PRUNE2: variants seen among roughly 807,000 people sequenced by gnomAD.
PRUNE2 encodes the protein protein prune homolog 2.
PRUNE2 carries 164 observed loss-of-function variants against 252.0 expected under a neutral mutation model. The ratio of observed to expected loss-of-function variants is 0.65; its 90% CI spans 0.57 to 0.74. The LOEUF is 0.74. Ranked by LOEUF, PRUNE2 falls within the 30% of genes least tolerant of loss-of-function variation. PRUNE2 has a pLI of 0.00. For missense variants in PRUNE2, 3,495 were observed against 3,711.0 expected (o/e 0.94, Z 1.51); for synonymous variants, 1,292 against 1,350.2 (o/e 0.96, Z 0.94).
chr9:76,847,467 T>A (rs765575264), intron 3 of PRUNE2, among the ~76,000 whole-genome samples: 3 of 149,488 alleles, frequency 2.0e-5, no homozygotes, highest in Admixed American at 6.7e-5. Flanking sequence ...AAAAAGTATT[T>A]AAAAAAAAAA....
chr9:76,706,449 A>C lies in PRUNE2; in HGVS notation c.5825T>G (p.Val1942Gly), dbSNP rs200567599. ...AGTCAGCTCATCACCAGCAGCAGAC[A>C]CAAAGGTTTGCTCTCTTGAGTCCTT... ...KEKDSREQTFVSAAGDELTPE... is the reference protein window; with the variant it reads ...KEKDSREQTFGSAAGDELTPE... Residue 1942 changes from valine (V) to glycine (G), a missense_variant, in exon 8 of 19, where the codon GTG (valine) becomes GGG (glycine). By Grantham distance (109) the Val-to-Gly change is moderately radical. Transcript: ENST00000376718. 2.4e-5 allele frequency: 38 copies of C among 1,613,844 alleles called. No homozygotes were observed. The highest frequency in any genetic ancestry group is 1.6e-4 in the Middle Eastern group (1 of 6,084).
chr9:76,692,024 T>G (rs944308281), intron 9 of PRUNE2: 10 of 716,386 alleles, frequency 1.4e-5, no homozygotes, highest in African/African-American at 1.7e-5. Context: ...TCCATCTCAT[T>G]CTGTCCTTCC....
intron 6 of PRUNE2, among the ~76,000 whole-genome samples, chr9:76,807,460 C>G (rs111265348): frequency 0.016 from 2,381 of 152,196 alleles, 53 homozygotes; most frequent in African/African-American, 0.052. Context: ...TGGTCAGCAG[C>G]TACTCAGTAT....
At chr9:76,806,754 G>A (rs539133785) in intron 6 of PRUNE2, among the ~76,000 whole-genome samples, 88 of 150,112 alleles carry the variant, frequency 5.9e-4, no homozygotes, top group Middle Eastern at 3.5e-3. Flanking sequence ...TCCTGACCTC[G>A]TGATCTGCCT....
chr9:76,815,899 G>T (rs533564073), intron 6 of PRUNE2, among the ~76,000 whole-genome samples: 1 of 152,076 alleles, frequency 6.6e-6, no homozygotes, highest in African/African-American at 2.4e-5. Flanking sequence ...GGTGGCTCAC[G>T]CCTGTAATCC....
At chr9:76,667,561 G>A (rs2040445900) in intron 9 of PRUNE2, among the ~76,000 whole-genome samples, 1 of 150,526 alleles carries the variant, frequency 6.6e-6, no homozygotes, top group African/African-American at 2.4e-5. Flanking sequence ...ATGCAAAGCT[G>A]CACTCTTGCA....
chr9:76,657,393 G>A (rs1380328431), intron 9 of PRUNE2, among the ~76,000 whole-genome samples: 1 of 152,242 alleles, frequency 6.6e-6, no homozygotes, highest in Non-Finnish European at 1.5e-5. Context: ...CACACAGGAT[G>A]TGGGCCTTGG....
intron 11 of PRUNE2, among the ~76,000 whole-genome samples, chr9:76,645,882 T>C (rs1588094050): frequency 6.6e-6 from 1 of 152,348 alleles, no homozygotes; most frequent in East Asian, 1.9e-4. Context: ...ACTTTGATGA[T>C]AATAACAGCA....
chr9:76,750,612 G>A (rs965942320), intron 6 of PRUNE2, among the ~76,000 whole-genome samples: 1 of 152,172 alleles, frequency 6.6e-6, no homozygotes, highest in African/African-American at 2.4e-5. Flanking sequence ...GTGGGGCACT[G>A]TGAACTGAAG....
chr9:76,698,495 AGGCAAG>A (rs1482440410), intron 9 of PRUNE2, among the ~76,000 whole-genome samples: 1 of 152,242 alleles, frequency 6.6e-6, no homozygotes, highest in Non-Finnish European at 1.5e-5. Context: ...AATGGTGAAT[AGGCAAG>A]GGCGCACTGG....
At chr9:76,702,886 G>C (rs2046004756) in intron 9 of PRUNE2, among the ~76,000 whole-genome samples, 1 of 152,102 alleles carries the variant, frequency 6.6e-6, no homozygotes, top group Admixed American at 6.6e-5. Flanking sequence ...CTTAATTCTA[G>C]GCAAATTATA....
At chr9:76,653,113 T>C (rs1848036705) in intron 10 of PRUNE2, among the ~76,000 whole-genome samples, 1 of 152,156 alleles carries the variant, frequency 6.6e-6, no homozygotes, top group African/African-American at 2.4e-5. Flanking sequence ...GCCTTGGCCA[T>C]GTAGAAACAG....
At chr9:76,691,711 C>T (rs1279612860) in intron 9 of PRUNE2, among the ~76,000 whole-genome samples, 1 of 152,118 alleles carries the variant, frequency 6.6e-6, no homozygotes, top group Non-Finnish European at 1.5e-5. Flanking sequence ...GGCAATAGTC[C>T]CAAACAGTTT....
In PRUNE2 at chr9:76,771,758, TTC is replaced by T. The variant is rs2053133848; in HGVS notation, c.756+51872_756+51873del. ...GCAGAGCCAAGAATCTGCTACTGCTTTCTGTTTTTATTTCCAATTATTTCCCA... is the reference window on the plus strand; with the variant it reads ...GCAGAGCCAAGAATCTGCTACTGCTTTGTTTTTATTTCCAATTATTTCCCA... On this transcript the variant is annotated intron_variant, in intron 6 of 18. Transcript: ENST00000376718. Among the ~76,000 whole-genome samples, 3 of 152,322 alleles carry T rather than the reference TTC, an allele frequency of 2.0e-5. No homozygotes were observed. In the South Asian group the frequency reaches 6.2e-4, roughly 32 times the overall value.
intron 9 of PRUNE2, among the ~76,000 whole-genome samples, chr9:76,683,198 T>C (rs368275700): frequency 1.3e-5 from 2 of 152,208 alleles, no homozygotes; most frequent in Admixed American, 6.5e-5. Context: ...GCCAGAGTGA[T>C]TGGTTCCACG....
At chr9:76,895,115 T>C (rs2062740966) in intron 1 of PRUNE2, among the ~76,000 whole-genome samples, 1 of 152,094 alleles carries the variant, frequency 6.6e-6, no homozygotes, top group African/African-American at 2.4e-5. Flanking sequence ...TTTTTTCAAC[T>C]GAGGGGAAGA....
intron 12 of PRUNE2, among the ~76,000 whole-genome samples, chr9:76,638,662 T>C (rs1408207948): frequency 6.6e-6 from 1 of 152,226 alleles, no homozygotes; most frequent in Non-Finnish European, 1.5e-5. Flanking sequence ...TACTAATACA[T>C]AAGTACTTAT....
chr9:76,723,866 G>C (rs1488956124), intron 6 of PRUNE2, among the ~76,000 whole-genome samples: 1 of 148,980 alleles, frequency 6.7e-6, no homozygotes, highest in Admixed American at 6.7e-5. Flanking sequence ...GGGGTGCAGT[G>C]GTGCGATCTC....
At chr9:76,857,472 CT>C (rs1233005964) in intron 1 of PRUNE2, among the ~76,000 whole-genome samples, 2 of 152,120 alleles carry the variant, frequency 1.3e-5, no homozygotes, top group Admixed American at 1.3e-4. Flanking sequence ...CAGAAGGTAC[CT>C]TTTGTGCCAC....
Sources: allele counts gnomAD v4.1 joint callset (sites outside exome capture counted in the v4.1 genomes callset), GRCh38; gene constraint gnomAD v4.1.1; transcripts MANE v1.5; gene names NCBI Gene and HGNC (gene_info 2026-07-23, HGNC 2026-07-21).